The following KCNIP4 variants were observed in gnomAD, a reference collection of about 807,000 sequenced individuals.
The protein encoded by KCNIP4 is Kv channel-interacting protein 4.
Under a neutral mutation model 34.0 loss-of-function variants are expected in KCNIP4, and 12 were observed. That is an observed-to-expected ratio of 0.35 (90% confidence interval 0.23 to 0.57). KCNIP4 has a LOEUF of 0.57. Ranked by LOEUF, KCNIP4 falls within the 20% of genes least tolerant of loss-of-function variation. The pLI is 0.83. For synonymous variants in KCNIP4, 124 were observed against 102.2 expected (o/e 1.21, Z -1.29); for missense variants, 238 against 311.7 (o/e 0.76, Z 1.78).
chr4:20,811,044 A>G (rs1220659340), intron 3 of KCNIP4, among the ~76,000 whole-genome samples: 1 of 152,174 alleles, frequency 6.6e-6, no homozygotes, highest in African/African-American at 2.4e-5. Flanking sequence ...CAAAAATGCC[A>G]CCAAGGTAAC....
intron 1 of KCNIP4, among the ~76,000 whole-genome samples, chr4:21,124,198 TCATA>T (rs902727079): frequency 1.3e-5 from 2 of 152,178 alleles, no homozygotes; most frequent in Non-Finnish European, 2.9e-5. Context: ...GGTATCAACG[TCATA>T]CAGTGTTTGG....
At chr4:20,945,269 G>A (rs1732073821) in intron 1 of KCNIP4, among the ~76,000 whole-genome samples, 1 of 152,202 alleles carries the variant, frequency 6.6e-6, no homozygotes, top group Non-Finnish European at 1.5e-5. Context: ...GTACTGGTTT[G>A]GAGGTCATTC....
At chr4:21,850,526 A>T (rs1469740305) in intron 1 of KCNIP4, 2 of 152,064 alleles carry the variant, frequency 1.3e-5, no homozygotes, top group Non-Finnish European at 2.9e-5. Flanking sequence ...TCGGGACTCT[A>T]CAGAGAGTCC....
At chr4:21,024,941 G>A in intron 1 of KCNIP4, among the ~76,000 whole-genome samples, 1 of 152,120 alleles carries the variant, frequency 6.6e-6, no homozygotes, top group East Asian at 1.9e-4. Flanking sequence ...TAAGAGGAAA[G>A]GGAGAAGTGA....
chr4:20,796,499 A>G (rs982617201), intron 3 of KCNIP4, among the ~76,000 whole-genome samples: 7 of 152,084 alleles, frequency 4.6e-5, no homozygotes, highest in African/African-American at 1.7e-4. Context: ...GAGGGATCAT[A>G]TAGGAGTCTG....
chr4:21,387,831 C>T (rs1204355489), intron 1 of KCNIP4, among the ~76,000 whole-genome samples: 1 of 152,176 alleles, frequency 6.6e-6, no homozygotes, highest in Non-Finnish European at 1.5e-5. Context: ...TTTGTACTCA[C>T]AAGCATTGCG....
At chr4:21,047,959 G>A (rs1186453155) in intron 1 of KCNIP4, among the ~76,000 whole-genome samples, 1 of 152,162 alleles carries the variant, frequency 6.6e-6, no homozygotes, top group African/African-American at 2.4e-5. Context: ...TCCCCCATAT[G>A]TGGAGGGGGC....
intron 1 of KCNIP4, chr4:20,983,724 T>C: frequency 2.8e-6 from 3 of 1,054,614 alleles, no homozygotes; most frequent in Non-Finnish European, 4.1e-6. Flanking sequence ...ACTTTTACTT[T>C]GAGTATTAAG....
intron 3 of KCNIP4, among the ~76,000 whole-genome samples, chr4:20,781,472 A>C (rs778697717): frequency 1.3e-5 from 2 of 152,200 alleles, no homozygotes; most frequent in Non-Finnish European, 2.9e-5. Flanking sequence ...GAAGAAAAAG[A>C]GGTTTAATTG....
chr4:21,008,387 G>A (rs1488009342), intron 1 of KCNIP4, among the ~76,000 whole-genome samples: 1 of 152,104 alleles, frequency 6.6e-6, no homozygotes, highest in South Asian at 2.1e-4. Context: ...CTGAAATTAG[G>A]CTACTATGTT....
chr4:21,066,211 T>C (rs1744369315), intron 1 of KCNIP4, among the ~76,000 whole-genome samples: 1 of 152,164 alleles, frequency 6.6e-6, no homozygotes, highest in Non-Finnish European at 1.5e-5. Flanking sequence ...GGTTCTTTCT[T>C]GTGCTGAGCA....
intron 1 of KCNIP4, among the ~76,000 whole-genome samples, chr4:20,974,301 A>G (rs746882943): frequency 3.9e-5 from 6 of 152,192 alleles, no homozygotes. Context: ...AACACAAATT[A>G]AGTAATTTGA....
At chr4:21,589,337 T>C (rs560093644) in intron 1 of KCNIP4, among the ~76,000 whole-genome samples, 1 of 148,178 alleles carries the variant, frequency 6.7e-6, no homozygotes, top group South Asian at 2.1e-4. Context: ...CGTGTATATA[T>C]ATACATGTGT....
At chr4:20,760,156 C>G (rs1441826200) in intron 3 of KCNIP4, among the ~76,000 whole-genome samples, 2 of 152,136 alleles carry the variant, frequency 1.3e-5, no homozygotes, top group Non-Finnish European at 2.9e-5. Flanking sequence ...GTGGTAAGTT[C>G]TGTTTAGTCT....
intron 1 of KCNIP4, among the ~76,000 whole-genome samples, chr4:21,497,983 T>A (rs1732989358): frequency 6.6e-6 from 1 of 152,212 alleles, no homozygotes; most frequent in Non-Finnish European, 1.5e-5. Context: ...CCTATTATAA[T>A]GTTGGTACAG....
At chr4:20,835,897 T>C (rs537785725) in intron 3 of KCNIP4, among the ~76,000 whole-genome samples, 4 of 152,314 alleles carry the variant, frequency 2.6e-5, no homozygotes, top group Admixed American at 6.5e-5. Flanking sequence ...AACCTATTTG[T>C]CAAATTCTGT....
At chr4:21,905,544 C>T (rs1019744623) in intron 1 of KCNIP4, among the ~76,000 whole-genome samples, 5 of 152,094 alleles carry the variant, frequency 3.3e-5, no homozygotes, top group Admixed American at 2.6e-4. Flanking sequence ...ATGATGAGTT[C>T]ATGTCCTTTG....
intron 1 of KCNIP4, among the ~76,000 whole-genome samples, chr4:21,508,477 C>T (rs189096795): frequency 1.3e-5 from 2 of 152,282 alleles, no homozygotes; most frequent in African/African-American, 2.4e-5. Context: ...CAGTGGCAGG[C>T]ACTGCTAGCT....
At chr4:21,294,378 T>G (rs1014239735) in intron 1 of KCNIP4, among the ~76,000 whole-genome samples, 1 of 152,182 alleles carries the variant, frequency 6.6e-6, no homozygotes, top group African/African-American at 2.4e-5. Context: ...TCACTACAAC[T>G]GTGTCATCGC....
Sources: gnomAD v4.1 joint callset for allele counts (sites outside exome capture counted in the v4.1 genomes callset) on GRCh38, gnomAD v4.1.1 for gene constraint, MANE v1.5 for transcripts, NCBI Gene and HGNC (gene_info 2026-07-23, HGNC 2026-07-21) for gene names.